SCFD2: variants seen among roughly 807,000 people sequenced by gnomAD.
The protein encoded by SCFD2 is sec1 family domain-containing protein 2.
Under a neutral mutation model 58.9 loss-of-function variants are expected in SCFD2, and 54 were observed. The observed-to-expected ratio is 0.92, with a 90% CI of 0.74 to 1.15. The LOEUF is 1.15. Among genes scored for constraint, SCFD2 ranks in the 50% most tolerant of loss-of-function variants. The pLI, the probability that SCFD2 is intolerant of heterozygous loss-of-function variation, is 0.00. For synonymous variants in SCFD2, 321 were observed against 335.9 expected (o/e 0.96, Z 0.49); for missense variants, 805 against 836.6 (o/e 0.96, Z 0.47).
At chr4:53,118,401 A>G (rs1725383597) in intron 5 of SCFD2, among the ~76,000 whole-genome samples, 1 of 152,250 alleles carries the variant, frequency 6.6e-6, no homozygotes, top group Non-Finnish European at 1.5e-5. Flanking sequence ...TTGATTAAAT[A>G]AAGAGGTTGT....
At chr4:53,029,583 T>TG (rs781242634) in intron 5 of SCFD2, among the ~76,000 whole-genome samples, 2 of 152,236 alleles carry the variant, frequency 1.3e-5, no homozygotes, top group Non-Finnish European at 2.9e-5. Flanking sequence ...TAAAGGGGTT[T>TG]GGGAACTTCA....
At chr4:53,289,818 C>CA (rs1184430943) in intron 3 of SCFD2, among the ~76,000 whole-genome samples, 2 of 151,634 alleles carry the variant, frequency 1.3e-5, no homozygotes, top group Admixed American at 1.3e-4. Context: ...ACAACAACAA[C>CA]AAAAAAAGCA....
At chr4:53,296,452 T>C (rs1732034771) in intron 3 of SCFD2, among the ~76,000 whole-genome samples, 1 of 152,236 alleles carries the variant, frequency 6.6e-6, no homozygotes. Flanking sequence ...TCTCCGATGG[T>C]AGATTGTATG....
At chr4:53,234,936 T>A (rs1473559149) in intron 4 of SCFD2, among the ~76,000 whole-genome samples, 2 of 152,268 alleles carry the variant, frequency 1.3e-5, no homozygotes, top group Non-Finnish European at 2.9e-5. Context: ...GATCCTGGGC[T>A]GGTATGGTGT....
At chr4:53,209,993 T>C (rs1445203284) in intron 4 of SCFD2, among the ~76,000 whole-genome samples, 1 of 152,134 alleles carries the variant, frequency 6.6e-6, no homozygotes, top group Non-Finnish European at 1.5e-5. Flanking sequence ...TGAAGTGCTT[T>C]TTCAATTAAC....
intron 5 of SCFD2, among the ~76,000 whole-genome samples, chr4:52,921,346 C>T (rs982771220): frequency 3.9e-5 from 6 of 152,166 alleles, no homozygotes; most frequent in African/African-American, 1.4e-4. Context: ...GCACGTGGCA[C>T]ATTTCAGAGG....
intron 3 of SCFD2, among the ~76,000 whole-genome samples, chr4:53,312,133 G>A (rs1424495106): frequency 6.6e-6 from 1 of 152,134 alleles, no homozygotes; most frequent in African/African-American, 2.4e-5. Flanking sequence ...GGATATCTCA[G>A]TGCAGCAAAT....
At chr4:52,949,609 CA>C (rs747385427) in intron 5 of SCFD2, 2 of 152,196 alleles carry the variant, frequency 1.3e-5, no homozygotes, top group Non-Finnish European at 2.9e-5. Flanking sequence ...TACTGAGAGG[CA>C]CAGAGAAATC....
intron 5 of SCFD2, among the ~76,000 whole-genome samples, chr4:53,004,710 G>C (rs1263665560): frequency 1.3e-5 from 2 of 152,102 alleles, no homozygotes; most frequent in African/African-American, 4.8e-5. Flanking sequence ...TTGCAAATAC[G>C]GTCGGAGGCA....
At position 53,171,673 on chromosome 4, in the gene SCFD2, T is replaced by A. The variant is rs1237464196; in HGVS notation, c.1312-26091A>T. 3.3e-5 allele frequency among the ~76,000 whole-genome samples: 5 copies of A among 152,174 alleles called. No homozygotes were observed. The South Asian group carries it at 1.0e-3, about 32-fold the overall frequency. ...GGAGAGATTTTATTATTGATTCAAT[T>A]TTCTTACTTGTTATTAACTGTTCAG... On this transcript the variant is annotated intron_variant, in intron 4 of 8. Coordinates refer to ENST00000401642, the MANE Select transcript of SCFD2 (RefSeq NM_152540.4).
chr4:53,171,651 G>C (rs1727180652), intron 4 of SCFD2, among the ~76,000 whole-genome samples: 1 of 152,138 alleles, frequency 6.6e-6, no homozygotes, highest in African/African-American at 2.4e-5. Flanking sequence ...TTTGATGGGA[G>C]AGATTTTATT....
chr4:53,176,813 G>A (rs1727344999), intron 4 of SCFD2, among the ~76,000 whole-genome samples: 1 of 152,110 alleles, frequency 6.6e-6, no homozygotes, highest in South Asian at 2.1e-4. Flanking sequence ...GCTGGGTGTG[G>A]TGGTGGTTGC....
chr4:53,326,081 T>A (rs1231892524), intron 2 of SCFD2, among the ~76,000 whole-genome samples: 1 of 152,210 alleles, frequency 6.6e-6, no homozygotes, highest in African/African-American at 2.4e-5. Context: ...TTTAAATAGA[T>A]TCAGGAAAAA....
intron 4 of SCFD2, among the ~76,000 whole-genome samples, chr4:53,239,751 C>G (rs547209944): frequency 6.6e-6 from 1 of 152,290 alleles, no homozygotes; most frequent in Admixed American, 6.5e-5. Context: ...GCTGGGATTA[C>G]AGGCATGAGG....
At chr4:53,358,061 G>C (rs965268545) in intron 1 of SCFD2, among the ~76,000 whole-genome samples, 2 of 152,172 alleles carry the variant, frequency 1.3e-5, no homozygotes, top group African/African-American at 4.8e-5. Flanking sequence ...TACATATGCA[G>C]AGTGCTGAGA....
intron 5 of SCFD2, among the ~76,000 whole-genome samples, chr4:53,045,862 C>T (rs145864676): frequency 5.3e-5 from 8 of 152,052 alleles, no homozygotes; most frequent in South Asian, 2.1e-4. Flanking sequence ...GTTCTTCATA[C>T]GCTAATTATC....
At chr4:53,057,530 AAC>A (rs200930227) in intron 5 of SCFD2, among the ~76,000 whole-genome samples, 2,230 of 151,742 alleles carry the variant, frequency 0.015, 53 homozygotes, top group African/African-American at 0.051. Context: ...AGAGGGGAAC[AAC>A]ACACACCACG....
chr4:53,229,721 C>G (rs1425727992), intron 4 of SCFD2, among the ~76,000 whole-genome samples: 2 of 152,170 alleles, frequency 1.3e-5, no homozygotes, highest in Non-Finnish European at 2.9e-5. Context: ...GCAAGGACTT[C>G]ATGTCTAAAA....
chr4:53,331,781 C>A (rs1052448733), intron 2 of SCFD2, among the ~76,000 whole-genome samples: 1 of 152,076 alleles, frequency 6.6e-6, no homozygotes, highest in Non-Finnish European at 1.5e-5. Flanking sequence ...ACACAAAAAA[C>A]CCTTCAAAAA....
Sources: gnomAD v4.1 joint callset for allele counts (sites outside exome capture counted in the v4.1 genomes callset) on GRCh38, gnomAD v4.1.1 for gene constraint, MANE v1.5 for transcripts, NCBI Gene and HGNC (gene_info 2026-07-23, HGNC 2026-07-21) for gene names.